RIOX2: variants seen among roughly 807,000 people sequenced by gnomAD.
The protein encoded by RIOX2 is 60S ribosomal protein L27a histidine hydroxylase.
In RIOX2, 43 loss-of-function variants were observed where a neutral mutation model predicts 51.2. The observed-to-expected ratio is 0.84, with a 90% CI of 0.66 to 1.08. The LOEUF (loss-of-function observed/expected upper bound fraction) is 1.08. RIOX2 is among the 50% of genes least tolerant of loss of function. The pLI is 0.00. For synonymous variants in RIOX2, 226 were observed against 218.5 expected (o/e 1.03, Z -0.30); for missense variants, 566 against 561.7 (o/e 1.01, Z -0.08).
At position 97,954,406 on chromosome 3, in the gene RIOX2, G is replaced by A. The variant is rs773792755; in HGVS notation, c.771C>T (p.Ser257=). The A allele has an allele frequency of 6.2e-7, 1 of 1,613,086 alleles. No individual in the cohort carries two copies. The highest frequency in any genetic ancestry group is 1.1e-5 in the South Asian group (1 of 91,054). The part of the protein sequence containing the change: ...GLAHSTHVTI[S]TYQNNSWGDF... The stretch of plus-strand genomic sequence containing the variant: ...GCAGTGTTTACTTGTTCTGGTAGGT[G>A]CTGATGGTCACGTGAGTAGAGTGGG... The change falls in exon 5 of 10, where the codon AGC becomes AGT. Residue 257 remains serine, a synonymous_variant. Transcript: ENST00000394198.
At chr3:97,950,729 T>C in intron 6 of RIOX2, 57 bp downstream of exon 6, 2 of 1,406,204 alleles carry the variant, frequency 1.4e-6, no homozygotes, top group East Asian at 4.6e-5. Context: ...AGGTAGGACT[T>C]CAGCTGGCCT....
chr3:97,946,707 T>C (rs558276156), intron 8 of RIOX2, among the ~76,000 whole-genome samples: 1 of 151,422 alleles, frequency 6.6e-6, no homozygotes, highest in South Asian at 2.1e-4. Context: ...TCCCCCTTGA[T>C]CATTCATGGG....
chr3:97,968,774 G>A (rs1418047505), intron 1 of RIOX2, among the ~76,000 whole-genome samples: 1 of 152,164 alleles, frequency 6.6e-6, no homozygotes, highest in Non-Finnish European at 1.5e-5. Context: ...GATTCTTAAG[G>A]AAGTCCCTAT....
chr3:97,945,526 G>T (rs868851454), intron 9 of RIOX2, 184 bp from the exon 10 acceptor site: 2 of 614,468 alleles, frequency 3.3e-6, no homozygotes, highest in Non-Finnish European at 5.6e-6. Flanking sequence ...CCTAATTTAT[G>T]TAGTAAGTGA....
chr3:97,959,304 AG>A (rs1705577420), intron 3 of RIOX2, 125 bp from the exon 4 acceptor site: 2 of 425,120 alleles, frequency 4.7e-6, no homozygotes, highest in Non-Finnish European at 7.4e-6. Context: ...TGAACAACAC[AG>A]GTTTTTTTTT....
chr3:97,963,016 C>T (rs1362484726), intron 2 of RIOX2, among the ~76,000 whole-genome samples: 1 of 152,194 alleles, frequency 6.6e-6, no homozygotes, highest in Non-Finnish European at 1.5e-5. Context: ...GCTGAGCAAA[C>T]CAATGGCCAC....
rs1448614043 is a variant in RIOX2 at position 97,945,813 on chromosome 3, A to C, written c.1224T>G (p.Asn408Lys). The C allele has an allele frequency of 6.2e-7, 1 of 1,610,136 alleles. No individual in the cohort carries two copies. Among genetic ancestry groups the C allele is most frequent in the Non-Finnish European group, 8.5e-7 (1 of 1,177,022 alleles). The change falls in exon 9 of 10, where the codon AAT becomes AAG. Residue 408 changes from asparagine (N) to lysine (K), a missense_variant. Transcript: ENST00000394198. Reference protein sequence around the residue: ...KNSRETHMMGNEEETEFHGLR... With the variant: ...KNSRETHMMGKEEETEFHGLR... Reference sequence around the variant, plus strand: ...TGAAACAAACCTCTGTTTCCTCCTCATTTCCCATCATGTGTGTCTCTCTAC... The same window carrying C: ...TGAAACAAACCTCTGTTTCCTCCTCCTTTCCCATCATGTGTGTCTCTCTAC...
intron 4 of RIOX2, among the ~76,000 whole-genome samples, chr3:97,956,791 C>T (rs1350323052): frequency 2.6e-5 from 4 of 151,964 alleles, no homozygotes; most frequent in East Asian, 1.9e-4. Flanking sequence ...CACCGCACCC[C>T]GCCTAAAGAT....
chr3:97,955,628 C>T (rs1033540524), intron 4 of RIOX2, among the ~76,000 whole-genome samples: 9 of 152,164 alleles, frequency 5.9e-5, no homozygotes, highest in African/African-American at 2.2e-4. Context: ...ACTGACAGTA[C>T]TTCAAGTAAA....
chr3:97,949,966 C>T lies in RIOX2; in HGVS notation c.938G>A (p.Arg313Lys). Residue 313 changes from arginine (R) to lysine (K), a missense_variant, in exon 7 of 10, where the codon AGG becomes AAG. Physicochemically the swap from Arg to Lys is conservative, Grantham distance 26. Transcript: ENST00000394198. ...VATRRLSGFL[R>K]TLADRLEGTK... ...GCCCTCCAGCCGGTCTGCAAGTGTC[C>T]TCAGGAAGCCACTTAATCGTCTTGT... The T allele has an allele frequency of 6.2e-7, 1 of 1,613,962 alleles. No individual in the cohort carries two copies. Among genetic ancestry groups the T allele is most frequent in the Non-Finnish European group, 8.5e-7 (1 of 1,179,938 alleles).
At position 97,943,992 on chromosome 3, in the gene RIOX2, G is replaced by C. The variant is rs1158994176; in HGVS notation, c.*1192C>G. ...AAAAAAGTACAAATAAATAACCTAT[G>C]GCCAAACTTGCACTGTTACGTGTTA... On this transcript the variant is annotated 3_prime_UTR_variant, in exon 10 of 10. Transcript: ENST00000394198. The C allele has an allele frequency of 1.3e-5, 2 of 151,788 alleles. No individual in the cohort carries two copies. The highest frequency in any genetic ancestry group is 2.9e-5 in the Non-Finnish European group (2 of 67,894). The allele number at this position is 151,788 out of a possible 1,614,324, so 9.4% of individuals were successfully genotyped here.
intron 7 of RIOX2, among the ~76,000 whole-genome samples, chr3:97,949,517 A>G (rs1705156318): frequency 6.6e-6 from 1 of 152,204 alleles, no homozygotes. Flanking sequence ...CAACAAGATT[A>G]TTTCAATGTT....
chr3:97,948,471 T>C (rs2040410925), intron 7 of RIOX2, among the ~76,000 whole-genome samples: 1 of 152,136 alleles, frequency 6.6e-6, no homozygotes, highest in South Asian at 2.1e-4. Flanking sequence ...ACTGTCACCA[T>C]GATAGGTCAA....
chr3:97,963,202 C>T (rs1317147227), intron 2 of RIOX2, among the ~76,000 whole-genome samples: 1 of 152,222 alleles, frequency 6.6e-6, no homozygotes, highest in East Asian at 1.9e-4. Flanking sequence ...CAGTTCACTG[C>T]AGCCTCGACA....
In RIOX2 at chr3:97,946,448, GC is replaced by G. The variant is rs1435862345; in HGVS notation, c.1150-562del. On this transcript the variant is annotated intron_variant, in intron 8 of 9. Transcript: ENST00000394198. ...AGTGCAGTTTATTGTCTCTTCCAGA[GC>G]CTTTAGTCATTCTTTGTCACCTCTT... Among the ~76,000 whole-genome samples, 3 of 151,546 alleles carry G rather than the reference GC, an allele frequency of 2.0e-5. No homozygotes were observed. The East Asian group carries it at 5.8e-4, about 29-fold the overall frequency.
chr3:97,957,778 T>C (rs376401089), intron 4 of RIOX2, among the ~76,000 whole-genome samples: 5 of 152,162 alleles, frequency 3.3e-5, no homozygotes, highest in Non-Finnish European at 4.4e-5. Flanking sequence ...TCTTTAAAGA[T>C]AACCAACCGT....
chr3:97,945,277 A>G lies in RIOX2; in HGVS notation c.1305T>C (p.Ala435=), dbSNP rs765362931. Residue 435 remains alanine, a synonymous_variant, in exon 10 of 10, where the codon GCT becomes GCC. Transcript: ENST00000394198. ...DALKQIWNSP[A]ISVKDLKLTT... is the part of the protein sequence containing the mutation. ...TAAGTTTCAGGTCCTTGACAGAAAT[A>G]GCTGGACTATTCCAAATTTGCTTCA... The G allele has an allele frequency of 3.1e-6, 5 of 1,612,596 alleles. No individual in the cohort carries two copies. Among genetic ancestry groups the G allele is most frequent in the Non-Finnish European group, 4.2e-6 (5 of 1,179,018 alleles).
chr3:97,942,426 T>C lies in RIOX2; in HGVS notation c.*2758A>G. The C allele has an allele frequency of 6.2e-7, 1 of 1,610,648 alleles. No individual in the cohort carries two copies. The highest frequency in any genetic ancestry group is 2.2e-5 in the East Asian group (1 of 44,810). On this transcript the variant is annotated 3_prime_UTR_variant, in exon 10 of 10. Coordinates refer to ENST00000394198, the MANE Select transcript of RIOX2 (RefSeq NM_153182.4). The stretch of plus-strand genomic sequence containing the variant: ...ATCAGCTCTTATCTCAGTGATCAAC[T>C]TGTCCTTGATGTTAAAGGTGGGCCT...
At position 97,942,631 on chromosome 3, in the gene RIOX2, G is replaced by A. The variant is rs2040257162; in HGVS notation, c.*2553C>T. ...TTAGCAGAAAAAGCCAAACAACAAA[G>A]CTTAGGGTTTTTGTTCATTAGTACA... On this transcript the variant is annotated 3_prime_UTR_variant, in exon 10 of 10. Coordinates refer to ENST00000394198, the MANE Select transcript of RIOX2 (RefSeq NM_153182.4). The A allele has an allele frequency of 5.6e-6, 3 of 534,044 alleles. No individual in the cohort carries two copies. The highest frequency in any genetic ancestry group is 3.5e-5 in the Admixed American group (1 of 28,464). 33.1% of individuals were successfully genotyped at this position (534,044 alleles called of 1,614,324 possible). A position where few individuals can be genotyped will look rare whatever the true frequency, so the allele number is the denominator to read the frequency against.
Sources: gnomAD v4.1 joint callset for allele counts (sites outside exome capture counted in the v4.1 genomes callset) on GRCh38, gnomAD v4.1.1 for gene constraint, MANE v1.5 for transcripts, NCBI Gene and HGNC (gene_info 2026-07-23, HGNC 2026-07-21) for gene names.